The following DRC9 variants were observed in gnomAD, a reference collection of about 807,000 sequenced individuals.
DRC9 encodes dynein regulatory complex subunit 9, also known as dynein regulatory complex protein 9.
At chr3:197,910,842 T>C in the DRC9 span, among the ~76,000 whole-genome samples, 1 of 151,552 alleles carries the variant, frequency 6.6e-6, no homozygotes, top group African/African-American at 2.4e-5. Context: ...TAGCTGGACG[T>C]GCGCCTGTAA....
chr3:197,928,082 C>T, the DRC9 span, among the ~76,000 whole-genome samples: 5 of 152,118 alleles, frequency 3.3e-5, no homozygotes, highest in East Asian at 5.8e-4. Flanking sequence ...GTTTTGCACA[C>T]GTGCCCTAGA....
At chr3:197,890,550 T>C in the DRC9 span, among the ~76,000 whole-genome samples, 1 of 152,224 alleles carries the variant, frequency 6.6e-6, no homozygotes. Context: ...AATATCTTGG[T>C]TTTAGATAAC....
chr3:197,936,223 G>A, the DRC9 span, among the ~76,000 whole-genome samples: 9 of 152,118 alleles, frequency 5.9e-5, no homozygotes, highest in Admixed American at 3.9e-4. Flanking sequence ...ACAGTAGTAT[G>A]TTATGATAAA....
the DRC9 span, among the ~76,000 whole-genome samples, chr3:197,895,643 AAATG>A: frequency 6.6e-6 from 1 of 152,156 alleles, no homozygotes; most frequent in Non-Finnish European, 1.5e-5. Flanking sequence ...TCTTAATTTA[AAATG>A]AATTGATTTA....
the DRC9 span, among the ~76,000 whole-genome samples, chr3:197,925,581 T>G: frequency 7.8e-6 from 1 of 127,414 alleles, no homozygotes; most frequent in Middle Eastern, 3.6e-3. Context: ...TATCTTTATA[T>G]CTTCTGTTTT....
chr3:197,919,987 G>T, the DRC9 span, among the ~76,000 whole-genome samples: 1 of 151,636 alleles, frequency 6.6e-6, no homozygotes, highest in Non-Finnish European at 1.5e-5. Context: ...ATCACTTGAG[G>T]TCAAGAGTTC....
chr3:197,955,148 T>G, the DRC9 span, among the ~76,000 whole-genome samples: 1 of 152,196 alleles, frequency 6.6e-6, no homozygotes, highest in Non-Finnish European at 1.5e-5. Context: ...CATGTATTCT[T>G]GGGGCCAGGG....
the DRC9 span, among the ~76,000 whole-genome samples, chr3:197,902,529 T>C: frequency 6.6e-6 from 1 of 151,710 alleles, no homozygotes; most frequent in Admixed American, 6.6e-5. Context: ...ATTGAAATAA[T>C]TAAAAAGAAG....
At chr3:197,891,395 G>C in the DRC9 span, 2 of 921,010 alleles carry the variant, frequency 2.2e-6, no homozygotes, top group South Asian at 1.3e-5. Flanking sequence ...ATGCTTTTGT[G>C]TTCCTCAGTG....
the DRC9 span, among the ~76,000 whole-genome samples, chr3:197,895,773 G>C: frequency 1.3e-5 from 2 of 151,342 alleles, no homozygotes; most frequent in East Asian, 3.9e-4. Flanking sequence ...CCAGGAGTTT[G>C]AGATCAGCCT....
chr3:197,942,965 ACTT>A, the DRC9 span, among the ~76,000 whole-genome samples: 2 of 152,032 alleles, frequency 1.3e-5, no homozygotes, highest in Admixed American at 6.6e-5. Context: ...ATAAATGTGT[ACTT>A]CTATTTATAA....
the DRC9 span, among the ~76,000 whole-genome samples, chr3:197,898,134 T>C: frequency 6.6e-6 from 1 of 152,166 alleles, no homozygotes; most frequent in African/African-American, 2.4e-5. Flanking sequence ...ACAGTAAGAA[T>C]AGAACCTCCA....
At chr3:197,922,616 G>A in the DRC9 span, among the ~76,000 whole-genome samples, 1 of 152,094 alleles carries the variant, frequency 6.6e-6, no homozygotes, top group Non-Finnish European at 1.5e-5. Flanking sequence ...TGAAGCAGGA[G>A]AATCGCTTGA....
the DRC9 span, among the ~76,000 whole-genome samples, chr3:197,955,558 G>A: frequency 6.6e-6 from 1 of 152,120 alleles, no homozygotes; most frequent in East Asian, 1.9e-4. Flanking sequence ...CACAGCACCT[G>A]GCCAGTACAT....
At chr3:197,912,778 C>G in the DRC9 span, 1 of 1,576,040 alleles carries the variant, frequency 6.3e-7, no homozygotes. Flanking sequence ...ACCAGTACGT[C>G]TTCCCCGCAG....
chr3:197,932,348 T>G, the DRC9 span: 1 of 1,560,260 alleles, frequency 6.4e-7, no homozygotes, highest in Non-Finnish European at 8.8e-7. Flanking sequence ...ATAAATTCTA[T>G]TTTCAGCCGG....
chr3:197,930,957 C>T, the DRC9 span, among the ~76,000 whole-genome samples: 1 of 150,710 alleles, frequency 6.6e-6, no homozygotes, highest in Admixed American at 6.6e-5. Context: ...TCACTTGAAC[C>T]CGGGAGGCGG....
the DRC9 span, among the ~76,000 whole-genome samples, chr3:197,929,837 G>A: frequency 6.6e-6 from 1 of 152,078 alleles, no homozygotes; most frequent in Non-Finnish European, 1.5e-5. The surrounding 1 kb of genome is among the most constrained non-coding windows in gnomAD (Gnocchi z 4.6). Flanking sequence ...TGGGCATGGT[G>A]GCTCATGCCT....
the DRC9 span, among the ~76,000 whole-genome samples, chr3:197,928,993 T>G: frequency 6.6e-6 from 1 of 152,214 alleles, no homozygotes; most frequent in Admixed American, 6.5e-5. Flanking sequence ...TCCCCAGCCC[T>G]GTGGCCAGGC....
Sources: allele counts gnomAD v4.1 joint callset (sites outside exome capture counted in the v4.1 genomes callset), GRCh38; gene constraint gnomAD v4.1.1; non-coding constraint Gnocchi (gnomAD v3.1); transcripts MANE v1.5; gene names NCBI Gene and HGNC (gene_info 2026-07-23, HGNC 2026-07-21).